MRPS5: variants seen among roughly 807,000 people sequenced by gnomAD.
MRPS5 encodes the protein mitochondrial ribosomal protein S5.
In MRPS5, 27 loss-of-function variants were observed where a neutral mutation model predicts 51.9. That is an observed-to-expected ratio of 0.52 (90% confidence interval 0.38 to 0.72). MRPS5 has a LOEUF of 0.72. MRPS5 is among the 30% of genes least tolerant of loss of function. The probability of loss-of-function intolerance (pLI) is 0.00; values close to 1 mark genes in which losing one functional copy is unlikely to be tolerated. For missense variants in MRPS5, 570 were observed against 545.7 expected, an observed-to-expected ratio of 1.04 and a Z score of -0.44; for synonymous variants, 196 against 193.2, an observed-to-expected ratio of 1.01 and a Z score of -0.12.
rs1675424951 is a variant in MRPS5 at position 95,090,323 on chromosome 2, C to T, written c.1068+63G>A. 1.9e-6 allele frequency: 3 copies of T among 1,583,402 alleles called. No homozygotes were observed. In the African/African-American group the frequency reaches 4.0e-5, roughly 21 times the overall value. The stretch of plus-strand genomic sequence containing the variant: ...TCCAGGAGGCCCCAGGGCATCGTAG[C>T]CCCAACACACACAACTGAAATACAA... On this transcript the variant is annotated intron_variant, in intron 11 of 11. Coordinates refer to ENST00000272418, the MANE Select transcript of MRPS5 (RefSeq NM_031902.5).
At chr2:95,090,199 AAG>A (rs1319156172) in intron 11 of MRPS5, among the ~76,000 whole-genome samples, 185 bp downstream of exon 11, 2 of 151,610 alleles carry the variant, frequency 1.3e-5, no homozygotes, top group African/African-American at 2.4e-5. Flanking sequence ...AAAAAAAAAA[AAG>A]GTAATTTTCA....
chr2:95,106,464 G>T lies in MRPS5; in HGVS notation c.638-7C>A. 6.2e-7 allele frequency: 1 copy of T among 1,609,728 alleles called. No individual in the cohort carries two copies. The highest frequency in any genetic ancestry group is 8.5e-7 in the Non-Finnish European group (1 of 1,176,284). Reference sequence around the variant, plus strand: ...TCAAAATCCTCATATGTTTCTGTAGGGAGAAAAGAAACAGGGATACAGATG... The same window carrying T: ...TCAAAATCCTCATATGTTTCTGTAGTGAGAAAAGAAACAGGGATACAGATG... On this transcript the variant is annotated splice_region_variant and splice_polypyrimidine_tract_variant and intron_variant, in intron 5 of 11. Coordinates refer to ENST00000272418, the MANE Select transcript of MRPS5 (RefSeq NM_031902.5).
At chr2:95,119,011 A>G (rs1283123043) in intron 1 of MRPS5, among the ~76,000 whole-genome samples, 1 of 152,222 alleles carries the variant, frequency 6.6e-6, no homozygotes. Context: ...GACTTCATCA[A>G]AATTTAAAAC....
intron 3 of MRPS5, 108 bp downstream of exon 3, chr2:95,114,958 T>G (rs2104427122): frequency 9.7e-7 from 1 of 1,032,576 alleles, no homozygotes; most frequent in Non-Finnish European, 1.4e-6. Context: ...CAGTACATTG[T>G]AAACTAATCA....
At chr2:95,105,375 C>T (rs1163034163) in intron 6 of MRPS5, among the ~76,000 whole-genome samples, 1 of 152,202 alleles carries the variant, frequency 6.6e-6, no homozygotes, top group East Asian at 1.9e-4. Context: ...ACAGTGAAAC[C>T]CCGTCTCAAC....
At position 95,085,375 on chromosome 2, in the gene MRPS5, TTCCCCTCTCCAAAGGA is replaced by T. The variant is rs573594391; in HGVS notation, c.*1966_*1981del. On this transcript the variant is annotated 3_prime_UTR_variant, in exon 12 of 12. Coordinates refer to ENST00000272418, the MANE Select transcript of MRPS5 (RefSeq NM_031902.5). ...AGATAGTAAGTACAGATAATTTTGT[TTCCCCTCTCCAAAGGA>T]TCATTGTCTTTTATTGCTTAAAGTT... Among the ~76,000 whole-genome samples the T allele has an allele frequency of 7.0e-4, 107 of 152,312 alleles. 1 individual carries two copies. In the South Asian group the frequency reaches 0.022, roughly 31 times the overall value.
chr2:95,090,109 G>A (rs372152012), intron 11 of MRPS5, among the ~76,000 whole-genome samples: 4 of 149,030 alleles, frequency 2.7e-5, no homozygotes, highest in Admixed American at 6.7e-5. Context: ...CCCGGGAGGC[G>A]GAGCTTGCAG....
intron 2 of MRPS5, among the ~76,000 whole-genome samples, chr2:95,115,899 CTTAA>C (rs1361326483): frequency 4.6e-5 from 7 of 151,644 alleles, no homozygotes; most frequent in South Asian, 2.1e-4. Flanking sequence ...TTGTATGCTC[CTTAA>C]TTTTCTTTTT....
intron 6 of MRPS5, 54 bp downstream of exon 6, chr2:95,106,369 A>AC: frequency 2.1e-5 from 11 of 511,732 alleles, no homozygotes; most frequent in South Asian, 3.2e-5. Context: ...TCCCTGCCCC[A>AC]CCCACCCCAA....
Position 95,087,326 on chromosome 2 carries a change from C to A in MRPS5, c.*31G>T, listed in dbSNP as rs771936845. 6.9e-6 allele frequency: 11 copies of A among 1,588,444 alleles called. No individual in the cohort carries two copies. In the South Asian group the frequency reaches 1.1e-4, roughly 16 times the overall value. On this transcript the variant is annotated 3_prime_UTR_variant, in exon 12 of 12. Transcript: ENST00000272418. Reference sequence around the variant, plus strand: ...TGAGTCTCTCCTAGGTGCAGGGCAGCACAGGAACTGGCTGCACAAGGCCAG... The same window carrying A: ...TGAGTCTCTCCTAGGTGCAGGGCAGAACAGGAACTGGCTGCACAAGGCCAG...
chr2:95,115,582 AAGAGCAAGGTGCAGG>A (rs1461871621), intron 2 of MRPS5, among the ~76,000 whole-genome samples: 4 of 152,206 alleles, frequency 2.6e-5, no homozygotes, highest in African/African-American at 9.6e-5. Context: ...GCCAGGTCAG[AAGAGCAAGGTGCAGG>A]AGAGCATGTA....
chr2:95,114,997 G>A lies in MRPS5; in HGVS notation c.277+69C>T, dbSNP rs1052784575. ...AAATCTTAATTCATGTAAAAAAGAA[G>A]AAAAATTCAGATATAAGAAATCCTT... On this transcript the variant is annotated intron_variant, in intron 3 of 11. Coordinates refer to ENST00000272418, the MANE Select transcript of MRPS5 (RefSeq NM_031902.5). 23 of 1,368,472 alleles carry A rather than the reference G, an allele frequency of 1.7e-5. No individual in the cohort carries two copies. In the African/African-American group the frequency reaches 3.2e-4, roughly 19 times the overall value. The allele number at this position is 1,368,472 out of a possible 1,614,324, so 84.8% of individuals were successfully genotyped here.
chr2:95,104,450 T>C, intron 7 of MRPS5, 190 bp downstream of exon 7: 1 of 644,228 alleles, frequency 1.6e-6, no homozygotes, highest in South Asian at 1.7e-5. Context: ...TACAGTAGAA[T>C]CTATTCTCTC....
chr2:95,095,496 ACT>A (rs1675599283), intron 10 of MRPS5, among the ~76,000 whole-genome samples: 1 of 152,218 alleles, frequency 6.6e-6, no homozygotes, highest in South Asian at 2.1e-4. Context: ...AGAAATCACA[ACT>A]AACTGTCTGT....
chr2:95,121,983 C>G, upstream of MRPS5: 1 of 594,760 alleles, frequency 1.7e-6, no homozygotes, highest in Non-Finnish European at 2.7e-6. Flanking sequence ...GGCGCGACCG[C>G]GGACAGCCCC....
At position 95,121,757 on chromosome 2, in the gene MRPS5, G is replaced by C. The variant is rs765099533; in HGVS notation, c.35C>G (p.Pro12Arg). ...ATAVRAVGCLPVLCSGTAGHL... is the reference protein window; with the variant it reads ...ATAVRAVGCLRVLCSGTAGHL... ...ACCTGCCGTCCCGCTACACAGCACGGGGAGGCAGCCCACAGCGCGCACCGC... is the reference window on the plus strand; with the variant it reads ...ACCTGCCGTCCCGCTACACAGCACGCGGAGGCAGCCCACAGCGCGCACCGC... Residue 12 changes from proline (P) to arginine (R), a missense_variant, in exon 1 of 12, where the codon CCC (proline) becomes CGC (arginine). Transcript: ENST00000272418. The C allele has an allele frequency of 1.3e-6, 2 of 1,554,252 alleles. No homozygotes were observed. Among genetic ancestry groups the C allele is most frequent in the Admixed American group, 3.7e-5 (2 of 54,588 alleles).
chr2:95,100,576 T>C (rs188020211), intron 9 of MRPS5, 40 bp from the exon 10 acceptor site: 1 of 1,475,582 alleles, frequency 6.8e-7, no homozygotes, highest in East Asian at 2.3e-5. Flanking sequence ...ATTAGGTGTG[T>C]GGCTTTAATA....
intron 10 of MRPS5, chr2:95,091,667 G>A (rs1266189528): frequency 6.6e-6 from 1 of 152,142 alleles, no homozygotes; most frequent in Non-Finnish European, 1.5e-5. Flanking sequence ...ATCTACTCTG[G>A]AAGTTGGACA....
intron 11 of MRPS5, among the ~76,000 whole-genome samples, chr2:95,090,094 G>C (rs922249455): frequency 1.4e-4 from 20 of 147,226 alleles, no homozygotes; most frequent in Non-Finnish European, 2.5e-4. Flanking sequence ...GGAGAATGGC[G>C]TGAACCCGGG....
Sources: allele counts gnomAD v4.1 joint callset (sites outside exome capture counted in the v4.1 genomes callset), GRCh38; gene constraint gnomAD v4.1.1; transcripts MANE v1.5; gene names NCBI Gene and HGNC (gene_info 2026-07-23, HGNC 2026-07-21).